Variants in CGNL1 observed in about 807,000 individuals in gnomAD.
The protein encoded by CGNL1 is cingulin like 1.
In CGNL1, 132 loss-of-function variants were observed where a neutral mutation model predicts 141.2. The ratio of observed to expected loss-of-function variants is 0.93; its 90% CI spans 0.81 to 1.08. The LOEUF (loss-of-function observed/expected upper bound fraction) is 1.08, where lower values mean the gene tolerates loss of function less well. Ranked by LOEUF, CGNL1 falls within the 50% of genes least tolerant of loss-of-function variation. CGNL1 has a pLI of 0.00. For synonymous variants in CGNL1, 690 were observed against 622.1 expected, an observed-to-expected ratio of 1.11 and a Z score of -1.63; for missense variants, 1,870 against 1,588.6, an observed-to-expected ratio of 1.18 and a Z score of -3.01.
chr15:57,495,601 G>A (rs1219734521), intron 8 of CGNL1, among the ~76,000 whole-genome samples: 2 of 152,156 alleles, frequency 1.3e-5, no homozygotes, highest in Non-Finnish European at 2.9e-5. Context: ...GGGACTCTCC[G>A]TCTAGGAAAA....
intron 1 of CGNL1, among the ~76,000 whole-genome samples, chr15:57,412,599 A>G (rs1595676454): frequency 6.6e-6 from 1 of 151,968 alleles, no homozygotes; most frequent in African/African-American, 2.4e-5. Context: ...CTCATGGGGA[A>G]CTCATTGTCT....
At chr15:57,518,545 G>A (rs1447619724) in intron 10 of CGNL1, 48 bp downstream of exon 10, 2 of 1,254,730 alleles carry the variant, frequency 1.6e-6, no homozygotes, top group African/African-American at 3.0e-5. Context: ...AGAATGCATA[G>A]AGACGCAACA....
chr15:57,508,035 G>C (rs1310742219), intron 8 of CGNL1, among the ~76,000 whole-genome samples: 1 of 152,180 alleles, frequency 6.6e-6, no homozygotes, highest in Non-Finnish European at 1.5e-5. Context: ...AAAAGAAATT[G>C]AATATTGATC....
chr15:57,539,202 C>T (rs867535307), intron 14 of CGNL1, among the ~76,000 whole-genome samples: 15 of 152,182 alleles, frequency 9.9e-5, no homozygotes, highest in African/African-American at 3.6e-4. Flanking sequence ...TGTCTCTCTA[C>T]AAGCCTTCAG....
At chr15:57,463,371 C>T (rs1271543605) in intron 8 of CGNL1, among the ~76,000 whole-genome samples, 1 of 152,116 alleles carries the variant, frequency 6.6e-6, no homozygotes, top group Non-Finnish European at 1.5e-5. Flanking sequence ...GCATTTTGTC[C>T]TGTTCAAATG....
At chr15:57,526,292 C>A (rs1007057716) in intron 12 of CGNL1, among the ~76,000 whole-genome samples, 1 of 152,156 alleles carries the variant, frequency 6.6e-6, no homozygotes, top group African/African-American at 2.4e-5. Flanking sequence ...GACATGGACA[C>A]CTCATCATTC....
intron 1 of CGNL1, among the ~76,000 whole-genome samples, chr15:57,387,994 T>A (rs2062502129): frequency 6.6e-6 from 1 of 152,170 alleles, no homozygotes; most frequent in African/African-American, 2.4e-5. Flanking sequence ...GAAAGCCACA[T>A]AGATATGTAA....
In CGNL1 at chr15:57,438,569, T is replaced by C. The variant is rs1404332709; in HGVS notation, c.570T>C (p.Thr190=). The C allele has an allele frequency of 7.4e-6, 12 of 1,613,652 alleles. No individual in the cohort carries two copies. In the African/African-American group the frequency reaches 1.5e-4, roughly 20 times the overall value. Residue 190 remains threonine (T), a synonymous_variant, in exon 2 of 19, where the codon ACT becomes ACC. Coordinates refer to ENST00000281282, the MANE Select transcript of CGNL1 (RefSeq NM_032866.5). Reference sequence around the variant, plus strand: ...GCATCAACAATAAGAAGCCTTGGACTTGCTTTCCCAAACCTAGCAATTCCC... The same window carrying C: ...GCATCAACAATAAGAAGCCTTGGACCTGCTTTCCCAAACCTAGCAATTCCC... ...EEGINNKKPW[T]CFPKPSNSQP...
chr15:57,395,297 C>T (rs1190357811), intron 1 of CGNL1, among the ~76,000 whole-genome samples: 1 of 152,228 alleles, frequency 6.6e-6, no homozygotes, highest in Admixed American at 6.5e-5. Context: ...AATGAGTCCT[C>T]AATTCAACAT....
At chr15:57,457,026 A>C (rs1265947709) in intron 7 of CGNL1, among the ~76,000 whole-genome samples, 1 of 152,220 alleles carries the variant, frequency 6.6e-6, no homozygotes, top group Non-Finnish European at 1.5e-5. Flanking sequence ...CAAAAATACC[A>C]TGATTCTCAC....
chr15:57,489,899 A>T (rs1244103928), intron 8 of CGNL1, among the ~76,000 whole-genome samples: 1 of 152,208 alleles, frequency 6.6e-6, no homozygotes, highest in African/African-American at 2.4e-5. Flanking sequence ...TGTGAGAGAA[A>T]TTAGAGAGAT....
intron 13 of CGNL1, 86 bp from the exon 14 acceptor site, chr15:57,531,604 T>G: frequency 4.8e-6 from 4 of 837,418 alleles, no homozygotes; most frequent in Non-Finnish European, 8.3e-6. Flanking sequence ...CATTTGCCCT[T>G]AGGATTGTTT....
chr15:57,495,593 G>T (rs2063926445), intron 8 of CGNL1, among the ~76,000 whole-genome samples: 1 of 152,128 alleles, frequency 6.6e-6, no homozygotes. Flanking sequence ...CAGCCCTAGG[G>T]ACTCTCCGTC....
At chr15:57,491,514 G>A (rs572164040) in intron 8 of CGNL1, among the ~76,000 whole-genome samples, 5 of 152,250 alleles carry the variant, frequency 3.3e-5, no homozygotes, top group African/African-American at 9.6e-5. Flanking sequence ...CACACAAGAC[G>A]CACTCACATG....
intron 14 of CGNL1, among the ~76,000 whole-genome samples, chr15:57,532,766 A>G (rs1291202540): frequency 1.3e-5 from 2 of 152,210 alleles, no homozygotes; most frequent in Non-Finnish European, 2.9e-5. Context: ...TGGCTACCAC[A>G]TTCCACACAC....
Position 57,451,568 on chromosome 15 carries a change from T to G in CGNL1, c.1872T>G (p.Ala624=). Residue 624 remains alanine (A), a synonymous_variant, in exon 5 of 19, where the codon GCT becomes GCG. Coordinates refer to ENST00000281282, the MANE Select transcript of CGNL1 (RefSeq NM_032866.5). ...EQKSKLTIEV[A]ELQRQLQLEV... ...AAAGCAAGTTGACCATAGAAGTGGCTGAACTTCAGAGACAGCTTCAACTGG... is the reference window on the plus strand; with the variant it reads ...AAAGCAAGTTGACCATAGAAGTGGCGGAACTTCAGAGACAGCTTCAACTGG... The G allele has an allele frequency of 6.2e-7, 1 of 1,611,720 alleles. No homozygotes were observed. The highest frequency in any genetic ancestry group is 1.3e-5 in the African/African-American group (1 of 74,976).
intron 8 of CGNL1, among the ~76,000 whole-genome samples, chr15:57,514,618 A>C (rs767365483): frequency 5.3e-5 from 8 of 151,996 alleles, no homozygotes; most frequent in Non-Finnish European, 8.8e-5. Context: ...GAAGAAGCTT[A>C]ATTTATCTGT....
chr15:57,480,037 G>T (rs1241933289), intron 8 of CGNL1, among the ~76,000 whole-genome samples: 9 of 152,202 alleles, frequency 5.9e-5, no homozygotes, highest in Admixed American at 5.9e-4. Flanking sequence ...ATCCCAAAGA[G>T]CTGTGGCAGC....
At chr15:57,453,607 G>T in intron 6 of CGNL1, 76 bp from the exon 7 acceptor site, 1 of 1,572,152 alleles carries the variant, frequency 6.4e-7, no homozygotes. Context: ...GTAACCCTCT[G>T]AAGATCAGAA....
Sources: allele counts gnomAD v4.1 joint callset (sites outside exome capture counted in the v4.1 genomes callset), GRCh38; gene constraint gnomAD v4.1.1; transcripts MANE v1.5; gene names NCBI Gene and HGNC (gene_info 2026-07-23, HGNC 2026-07-21).